Variants in KIAA0825 observed in about 807,000 individuals in gnomAD.
KIAA0825 encodes the protein uncharacterized protein KIAA0825.
Under a neutral mutation model 147.6 loss-of-function variants are expected in KIAA0825, and 119 were observed. The ratio of observed to expected loss-of-function variants is 0.81; its 90% CI spans 0.69 to 0.94. The LOEUF (loss-of-function observed/expected upper bound fraction) is 0.94, where lower values mean the gene tolerates loss of function less well. KIAA0825 is among the 40% of genes least tolerant of loss of function. The pLI, the probability that KIAA0825 is intolerant of heterozygous loss-of-function variation, is 0.00. For missense variants in KIAA0825, 1,381 were observed against 1,472.7 expected (o/e 0.94, Z 1.02); for synonymous variants, 470 against 518.1 (o/e 0.91, Z 1.26).
intron 20 of KIAA0825, among the ~76,000 whole-genome samples, chr5:94,169,340 G>A (rs1179508616): frequency 6.6e-6 from 1 of 152,174 alleles, no homozygotes; most frequent in African/African-American, 2.4e-5. Flanking sequence ...TCAGCACTTT[G>A]GGAGGCTGAG....
chr5:94,170,580 A>G (rs1311254570), intron 20 of KIAA0825, among the ~76,000 whole-genome samples: 5 of 152,212 alleles, frequency 3.3e-5, no homozygotes, highest in Non-Finnish European at 7.3e-5. Flanking sequence ...AGTGGCATCA[A>G]GTAGGCAGGT....
intron 20 of KIAA0825, among the ~76,000 whole-genome samples, chr5:94,271,705 C>A (rs1776998527): frequency 6.6e-6 from 1 of 152,106 alleles, no homozygotes; most frequent in East Asian, 1.9e-4. Flanking sequence ...TGAGACCAGG[C>A]CACTGCACTC....
chr5:94,153,970 T>C lies in KIAA0825; in HGVS notation c.*37A>G. On this transcript the variant is annotated 3_prime_UTR_variant, in exon 21 of 21. Transcript: ENST00000682413. ...AAAATCCTACTCCATTACATGGGATTGTTTCCTAAAATAAAGCTGTTGCTG... is the reference window on the plus strand; with the variant it reads ...AAAATCCTACTCCATTACATGGGATCGTTTCCTAAAATAAAGCTGTTGCTG... 3 of 1,395,424 alleles carry C rather than the reference T, an allele frequency of 2.1e-6. No homozygotes were observed. Among genetic ancestry groups the C allele is most frequent in the Non-Finnish European group, 3.0e-6 (3 of 1,004,832 alleles). The allele number at this position is 1,395,424 out of a possible 1,614,324, so 86.4% of individuals were successfully genotyped here. A position where few individuals can be genotyped will look rare whatever the true frequency, so the allele number is the denominator to read the frequency against.
At chr5:94,329,749 C>G (rs550811224) in intron 20 of KIAA0825, among the ~76,000 whole-genome samples, 5 of 152,060 alleles carry the variant, frequency 3.3e-5, no homozygotes, top group Non-Finnish European at 5.9e-5. Flanking sequence ...TTCCCTCCCC[C>G]CCTTTTTTTA....
At chr5:94,402,180 C>G (rs1009653361) in intron 16 of KIAA0825, among the ~76,000 whole-genome samples, 6 of 152,108 alleles carry the variant, frequency 3.9e-5, no homozygotes, top group African/African-American at 1.4e-4. Context: ...ACTTTAACAA[C>G]TGGTATCTAT....
At chr5:94,536,713 G>A (rs1772098302) in intron 3 of KIAA0825, among the ~76,000 whole-genome samples, 1 of 152,116 alleles carries the variant, frequency 6.6e-6, no homozygotes, top group African/African-American at 2.4e-5. Context: ...GAAAATCCAG[G>A]ACATCAACAT....
At position 94,267,773 on chromosome 5, in the gene KIAA0825, C is replaced by T. The variant is rs144022630; in HGVS notation, c.3711-113649G>A. On this transcript the variant is annotated intron_variant, in intron 20 of 20. Transcript: ENST00000682413. ...TGAGCATTTTCTTGTTTCATTTTTA[C>T]GTTCTCTTTTTTTCCCTCTTTGTTT... 4.9e-3 allele frequency among the ~76,000 whole-genome samples: 750 copies of T among 152,228 alleles called. 3 individuals carry two copies. Among genetic ancestry groups the T allele is most frequent in the Admixed American group, 9.5e-3 (145 of 15,282 alleles).
intron 2 of KIAA0825, among the ~76,000 whole-genome samples, chr5:94,543,438 G>A (rs1431533108): frequency 6.6e-6 from 1 of 152,096 alleles, no homozygotes; most frequent in Non-Finnish European, 1.5e-5. Flanking sequence ...GTGAGACTCT[G>A]TCTCAATAAA....
At chr5:94,377,201 C>T (rs1747708004) in intron 20 of KIAA0825, among the ~76,000 whole-genome samples, 1 of 152,226 alleles carries the variant, frequency 6.6e-6, no homozygotes, top group South Asian at 2.1e-4. Flanking sequence ...AAAGTGACAG[C>T]CAGAAATCTG....
intron 20 of KIAA0825, among the ~76,000 whole-genome samples, chr5:94,245,556 G>C (rs145987063): frequency 6.6e-6 from 1 of 152,026 alleles, no homozygotes; most frequent in East Asian, 1.9e-4. Context: ...CTTCTTAGCA[G>C]TCTGAATTGA....
rs763425385 is a variant in KIAA0825, at chr5:94,471,708, T to G, written c.1479A>C (p.Lys493Asn). ...IGKFCSDIMEKLDTMLPLALA... is the reference protein window; with the variant it reads ...IGKFCSDIMENLDTMLPLALA... ...GAGCCAGTGGAAGCATTGTGTCAAG[T>G]TTTTCCATGATGTCAGAACAAAACT... is the stretch of plus-strand genomic sequence containing the variant. The change falls in exon 9 of 21, where the codon AAA becomes AAC. Residue 493 changes from lysine to asparagine, a missense_variant. Lys to Asn is a moderately conservative substitution (Grantham distance 94). Coordinates refer to ENST00000682413, the MANE Select transcript of KIAA0825 (RefSeq NM_001145678.3). The G allele has an allele frequency of 1.9e-6, 3 of 1,552,330 alleles. No individual in the cohort carries two copies. The highest frequency in any genetic ancestry group is 2.6e-6 in the Non-Finnish European group (3 of 1,147,122).
intron 1 of KIAA0825, among the ~76,000 whole-genome samples, chr5:94,592,006 T>C (rs570286099): frequency 8.5e-5 from 13 of 152,326 alleles, no homozygotes; most frequent in Admixed American, 4.6e-4. Context: ...GTGGAAATTA[T>C]GGCAGCTATA....
chr5:94,277,630 G>T (rs1777278831), intron 20 of KIAA0825, among the ~76,000 whole-genome samples: 1 of 152,156 alleles, frequency 6.6e-6, no homozygotes, highest in Non-Finnish European at 1.5e-5. Context: ...AGGATGTGGA[G>T]AAATAGGAAT....
chr5:94,264,648 C>T (rs1341746126), intron 20 of KIAA0825, among the ~76,000 whole-genome samples: 1 of 152,214 alleles, frequency 6.6e-6, no homozygotes, highest in Admixed American at 6.5e-5. Flanking sequence ...TTCCATCTCC[C>T]AACTGTATAA....
At chr5:94,244,171 T>C (rs1005108596) in intron 20 of KIAA0825, among the ~76,000 whole-genome samples, 1 of 152,214 alleles carries the variant, frequency 6.6e-6, no homozygotes, top group Admixed American at 6.5e-5. Context: ...AAGTCTGTGT[T>C]TGTGCACCGG....
intron 12 of KIAA0825, among the ~76,000 whole-genome samples, chr5:94,456,755 A>G (rs1759167182): frequency 1.3e-5 from 2 of 152,244 alleles, no homozygotes; most frequent in South Asian, 4.1e-4. Flanking sequence ...ATAAGTGCTC[A>G]ATATAAATAA....
chr5:94,383,316 G>A (rs1247807951), intron 20 of KIAA0825, among the ~76,000 whole-genome samples: 1 of 152,046 alleles, frequency 6.6e-6, no homozygotes, highest in Non-Finnish European at 1.5e-5. Flanking sequence ...AGCTTTTATT[G>A]GCAATAAAGC....
chr5:94,152,855 ATT>A lies in KIAA0825; in HGVS notation c.*1150_*1151del, dbSNP rs10530351. 8.6e-3 allele frequency: 48 copies of A among 5,590 alleles called. 5 individuals are homozygous for A. The highest frequency in any genetic ancestry group is 0.019 in the South Asian group (2 of 108). The allele number at this position is 5,590 out of a possible 1,614,324, so 0.3% of individuals were successfully genotyped here. A position where few individuals can be genotyped will look rare whatever the true frequency, so the allele number is the denominator to read the frequency against. The stretch of plus-strand genomic sequence containing the variant: ...AAAAAAAAAAAAAAAAAAAAAAAAA[ATT>A]ATATATATATATATATATATATATA... On this transcript the variant is annotated 3_prime_UTR_variant, in exon 21 of 21. Coordinates refer to ENST00000682413, the MANE Select transcript of KIAA0825 (RefSeq NM_001145678.3).
chr5:94,530,412 G>C (rs886963416), intron 3 of KIAA0825, among the ~76,000 whole-genome samples: 5 of 151,906 alleles, frequency 3.3e-5, no homozygotes, highest in Admixed American at 1.3e-4. Flanking sequence ...AGCCTCCCAA[G>C]TAGCTAGGAC....
Sources: allele counts gnomAD v4.1 joint callset (sites outside exome capture counted in the v4.1 genomes callset), GRCh38; gene constraint gnomAD v4.1.1; transcripts MANE v1.5; gene names NCBI Gene and HGNC (gene_info 2026-07-23, HGNC 2026-07-21).